BMP8A: variants seen among roughly 807,000 people sequenced by gnomAD.
BMP8A encodes the protein BMP-8A.
BMP8A carries 14 observed loss-of-function variants against 36.8 expected under a neutral mutation model. The ratio of observed to expected loss-of-function variants is 0.38; its 90% confidence interval spans 0.25 to 0.60. The LOEUF (loss-of-function observed/expected upper bound fraction) is 0.60, where lower values mean the gene tolerates loss of function less well. Ranked by LOEUF, BMP8A falls within the 20% of genes least tolerant of loss-of-function variation. The probability of loss-of-function intolerance (pLI) is 0.63; values close to 1 mark genes in which losing one functional copy is unlikely to be tolerated. For missense variants in BMP8A, 267 were observed against 551.1 expected, an observed-to-expected ratio of 0.48 and a Z score of 5.16; for synonymous variants, 120 against 237.7, an observed-to-expected ratio of 0.50 and a Z score of 4.55.
At chr1:39,498,271 C>G (rs1645222923) in intron 1 of BMP8A, among the ~76,000 whole-genome samples, 1 of 152,218 alleles carries the variant, frequency 6.6e-6, no homozygotes, top group African/African-American at 2.4e-5. Flanking sequence ...GCACCCAGCC[C>G]CCCTCCTCCT....
chr1:39,514,998 G>A, intron 3 of BMP8A: 5 of 1,532,708 alleles, frequency 3.3e-6, no homozygotes, highest in Admixed American at 2.1e-5. Flanking sequence ...CGGGCGCGGG[G>A]TCCCCGCCGG....
Position 39,529,721 on chromosome 1 carries a change from G to A in BMP8A, c.*3923G>A, listed in dbSNP as rs1456082880. Among the ~76,000 whole-genome samples, 1 of 152,102 alleles carries A rather than the reference G, an allele frequency of 6.6e-6. No homozygotes were observed. The highest frequency in any genetic ancestry group is 1.9e-4 in the East Asian group (1 of 5,198). On this transcript the variant is annotated 3_prime_UTR_variant, in exon 7 of 7. Coordinates refer to ENST00000331593, the MANE Select transcript of BMP8A (RefSeq NM_181809.4). ...TAATTCCTTCCAGTCTTCTTACTTG[G>A]CACATATACATTTGTCTTTCTTTAT...
intron 1 of BMP8A, among the ~76,000 whole-genome samples, chr1:39,510,712 A>G (rs2745503): frequency 1.7e-3 from 258 of 152,196 alleles, no homozygotes; most frequent in African/African-American, 5.8e-3. Context: ...TGGATGGCTT[A>G]TGTCCCCTGA....
intron 1 of BMP8A, among the ~76,000 whole-genome samples, chr1:39,494,502 C>T (rs1195227766): frequency 6.6e-6 from 1 of 151,926 alleles, no homozygotes. Context: ...AGTCGCACAC[C>T]ACCACACCCA....
At chr1:39,523,736 T>G (rs1645454299) in intron 6 of BMP8A, 1 of 1,325,552 alleles carries the variant, frequency 7.5e-7, no homozygotes, top group Non-Finnish European at 9.8e-7. Flanking sequence ...GGATCACTGG[T>G]GCTGCTCACC....
chr1:39,500,355 C>A (rs1313178741), intron 1 of BMP8A, among the ~76,000 whole-genome samples: 4 of 152,142 alleles, frequency 2.6e-5, no homozygotes, highest in Non-Finnish European at 5.9e-5. Context: ...ATCTGGAGAC[C>A]TTTTTAGTTG....
At chr1:39,493,778 G>C (rs1310854591) in intron 1 of BMP8A, among the ~76,000 whole-genome samples, 3 of 152,212 alleles carry the variant, frequency 2.0e-5, no homozygotes, top group Admixed American at 1.3e-4. Context: ...CTGTGAAGCT[G>C]GGGCTGGGGC....
chr1:39,494,726 T>C (rs1645190511), intron 1 of BMP8A, among the ~76,000 whole-genome samples: 2 of 152,196 alleles, frequency 1.3e-5, no homozygotes, highest in South Asian at 4.1e-4. Flanking sequence ...CCCCATTTCA[T>C]GCGCTCAGAG....
rs968356922 is a variant in BMP8A at position 39,500,913 on chromosome 1, C to A, written c.334+8588C>A. Among the ~76,000 whole-genome samples the A allele has an allele frequency of 3.9e-5, 6 of 152,158 alleles. No homozygotes were observed. In the East Asian group the frequency reaches 1.2e-3, roughly 29 times the overall value. On this transcript the variant is annotated intron_variant, in intron 1 of 6. Transcript: ENST00000331593. ...AGGTGATCCACCCGCCTCAGCCTGCCAAAGTGCTGGGATTACAGGTGTAAG... is the reference window on the plus strand; with the variant it reads ...AGGTGATCCACCCGCCTCAGCCTGCAAAAGTGCTGGGATTACAGGTGTAAG...
chr1:39,522,460 G>T lies in BMP8A; in HGVS notation c.926G>T (p.Ser309Ile), dbSNP rs765816990. ...QVCRRHELYV[S>I]FQDLGWLDWV... ...TGCCGTCGGCACGAGCTCTACGTCA[G>T]CTTCCAGGACCTTGGCTGGCTGGTA... The change falls in exon 5 of 7, where the codon AGC (serine) becomes ATC (isoleucine). Residue 309 changes from serine to isoleucine, a missense_variant. Transcript: ENST00000331593. 3.1e-6 allele frequency: 5 copies of T among 1,613,674 alleles called. No individual in the cohort carries two copies. In the East Asian group the frequency reaches 1.1e-4, roughly 36 times the overall value.
At chr1:39,502,490 A>G (rs1645262079) in intron 1 of BMP8A, among the ~76,000 whole-genome samples, 1 of 152,104 alleles carries the variant, frequency 6.6e-6, no homozygotes, top group Admixed American at 6.5e-5. Context: ...AAGCAAAACA[A>G]AACAAAACAG....
At position 39,529,348 on chromosome 1, in the gene BMP8A, G is replaced by A. The variant is rs1010026934; in HGVS notation, c.*3550G>A. Among the ~76,000 whole-genome samples, 32 of 152,232 alleles carry A rather than the reference G, an allele frequency of 2.1e-4. No individual in the cohort carries two copies. The highest frequency in any genetic ancestry group is 7.5e-4 in the African/African-American group (31 of 41,454). ...AACGTGATCATCTCTTGGATGAGGT[G>A]TGGCCCTGCACACTCGCCTGCTCGT... On this transcript the variant is annotated 3_prime_UTR_variant, in exon 7 of 7. Transcript: ENST00000331593.
chr1:39,524,097 A>G lies in BMP8A; in HGVS notation c.1059+980A>G, dbSNP rs1393404210. 6.6e-6 allele frequency among the ~76,000 whole-genome samples: 1 copy of G among 152,118 alleles called. No homozygotes were observed. Among genetic ancestry groups the G allele is most frequent in the Non-Finnish European group, 1.5e-5 (1 of 68,036 alleles). ...ATAATACTTCCTTTCTGGGCAGTCA[A>G]ATGGTGTTTGCTGGACACCTGGAGC... On this transcript the variant is annotated intron_variant, in intron 6 of 6. Transcript: ENST00000331593. This position sits in a 1 kb window ranked among gnomAD's most constrained non-coding sequence, Gnocchi z 4.0.
chr1:39,498,603 G>A (rs754093292), intron 1 of BMP8A, among the ~76,000 whole-genome samples: 2 of 152,194 alleles, frequency 1.3e-5, no homozygotes, highest in Non-Finnish European at 2.9e-5. Flanking sequence ...GGCCCGCCTC[G>A]AGGCGGTGCT....
chr1:39,494,673 C>A (rs190077142), intron 1 of BMP8A, among the ~76,000 whole-genome samples: 2 of 152,250 alleles, frequency 1.3e-5, no homozygotes, highest in East Asian at 3.9e-4. Context: ...ACTTTCACAG[C>A]CTTACAATTC....
intron 5 of BMP8A, among the ~76,000 whole-genome samples, chr1:39,522,799 G>A (rs2473617): frequency 0.49 from 67,784 of 138,208 alleles, 14,138 homozygotes; most frequent in South Asian, 0.69. Context: ...GGGGAGGGCC[G>A]GCTGGGGAGG....
rs1303291792 is a variant in BMP8A at position 39,528,442 on chromosome 1, G to A, written c.*2644G>A. 1.3e-5 allele frequency among the ~76,000 whole-genome samples: 2 copies of A among 152,206 alleles called. No individual in the cohort carries two copies. On this transcript the variant is annotated 3_prime_UTR_variant, in exon 7 of 7. Transcript: ENST00000331593. ...GGTGGTCAGCTCAGGCCCACTGGCT[G>A]CAACAAGTAGCCACTGACAGGGAGT...
rs1046864987 is a variant in BMP8A, at chr1:39,525,880, A to G, written c.*82A>G. 137 of 1,587,960 alleles carry G rather than the reference A, an allele frequency of 8.6e-5. No homozygotes were observed. Among genetic ancestry groups the G allele is most frequent in the Non-Finnish European group, 1.1e-4 (133 of 1,169,282 alleles). On this transcript the variant is annotated 3_prime_UTR_variant, in exon 7 of 7. Coordinates refer to ENST00000331593, the MANE Select transcript of BMP8A (RefSeq NM_181809.4). ...AGGCAGAAAACCCTTAAATGCTGTC[A>G]CAGCTCAAGCAGGAGTGTCAGGGGC...
In BMP8A at chr1:39,529,413, C is replaced by G. The variant is rs1227935500; in HGVS notation, c.*3615C>G. ...CCAGCAGTGACCCACGCGCTAGGGT[C>G]TCTGCTGAGGAAGTGGCAGGTGTGC... On this transcript the variant is annotated 3_prime_UTR_variant, in exon 7 of 7. Coordinates refer to ENST00000331593, the MANE Select transcript of BMP8A (RefSeq NM_181809.4). Among the ~76,000 whole-genome samples the G allele has an allele frequency of 6.6e-6, 1 of 152,186 alleles. No homozygotes were observed. The highest frequency in any genetic ancestry group is 2.4e-5 in the African/African-American group (1 of 41,454).
Sources: gnomAD v4.1 joint callset for allele counts (sites outside exome capture counted in the v4.1 genomes callset) on GRCh38, gnomAD v4.1.1 for gene constraint, Gnocchi (gnomAD v3.1) non-coding constraint, MANE v1.5 for transcripts, NCBI Gene and HGNC (gene_info 2026-07-23, HGNC 2026-07-21) for gene names.